Variants in SLC30A8 observed in about 807,000 individuals in gnomAD.
SLC30A8 encodes solute carrier family 30 member 8, also known as proton-coupled zinc antiporter SLC30A8.
SLC30A8 carries 27 observed loss-of-function variants against 36.9 expected under a neutral mutation model. The observed-to-expected ratio is 0.73, with a 90% CI of 0.54 to 1.01. SLC30A8 has a LOEUF of 1.01. Among genes scored for constraint, SLC30A8 ranks in the 50% least tolerant of loss-of-function variants. The pLI, the probability that SLC30A8 is intolerant of heterozygous loss-of-function variation, is 0.00. For synonymous variants in SLC30A8, 164 were observed against 172.4 expected, an observed-to-expected ratio of 0.95 and a Z score of 0.38; for missense variants, 439 against 452.0, an observed-to-expected ratio of 0.97 and a Z score of 0.26.
intron 2 of SLC30A8, among the ~76,000 whole-genome samples, chr8:117,096,888 A>T (rs1358933520): frequency 6.6e-6 from 1 of 152,030 alleles, no homozygotes; most frequent in Non-Finnish European, 1.5e-5. Flanking sequence ...ACACAAAATC[A>T]TGGAGTACTG....
At chr8:117,070,556 C>T (rs1474709468) in intron 2 of SLC30A8, among the ~76,000 whole-genome samples, 3 of 152,232 alleles carry the variant, frequency 2.0e-5, no homozygotes, top group Non-Finnish European at 2.9e-5. Context: ...ACATATCCAT[C>T]ACCTTGCTTA....
At chr8:117,033,045 T>C (rs1255369773) in intron 1 of SLC30A8, among the ~76,000 whole-genome samples, 1 of 152,184 alleles carries the variant, frequency 6.6e-6, no homozygotes, top group African/African-American at 2.4e-5. Context: ...TGGAGTTCTG[T>C]GCAGATGTAT....
chr8:117,053,286 GA>G (rs1817766938), intron 2 of SLC30A8, among the ~76,000 whole-genome samples: 1 of 152,132 alleles, frequency 6.6e-6, no homozygotes, highest in Non-Finnish European at 1.5e-5. Context: ...CATTTACTAA[GA>G]TTTTTTTCCC....
chr8:117,031,451 T>C (rs1459196234), intron 1 of SLC30A8, among the ~76,000 whole-genome samples: 1 of 149,552 alleles, frequency 6.7e-6, no homozygotes, highest in African/African-American at 2.5e-5. Flanking sequence ...TCTTTCTTCT[T>C]TCTTCTTCTT....
intron 3 of SLC30A8, 28 bp from the exon 4 acceptor site, chr8:117,157,663 G>A (rs1563633172): frequency 2.5e-6 from 4 of 1,612,980 alleles, no homozygotes; most frequent in Non-Finnish European, 2.5e-6. Context: ...ATCTGTGTGT[G>A]GGTTTCTGTG....
rs146835671 is a variant in SLC30A8, at chr8:117,157,741, G to A, written c.469G>A (p.Val157Met). The A allele has an allele frequency of 5.0e-5, 80 of 1,613,926 alleles. No homozygotes were observed. The highest frequency in any genetic ancestry group is 5.3e-5 in the African/African-American group (4 of 74,882). Residue 157 changes from valine (V) to methionine (M), a missense_variant, in exon 4 of 8, where the codon GTG becomes ATG. Physicochemically the swap from Val to Met is conservative, Grantham distance 21. Transcript: ENST00000456015. Reference protein sequence around the residue: ...SILCIWVVTGVLVYLACERLL... With the variant: ...SILCIWVVTGMLVYLACERLL... ...CCTGTGCATCTGGGTGGTGACTGGC[G>A]TGCTAGTGTACCTGGCATGTGAGCG... is the stretch of plus-strand genomic sequence containing the variant.
chr8:117,131,789 A>G (rs954679107), upstream of SLC30A8, among the ~76,000 whole-genome samples: 1 of 152,028 alleles, frequency 6.6e-6, no homozygotes, highest in African/African-American at 2.4e-5. Flanking sequence ...ATCAGAGACT[A>G]TGCTAAGAAC....
At chr8:116,970,259 T>G (rs1444288242) in intron 1 of SLC30A8, among the ~76,000 whole-genome samples, 1 of 152,188 alleles carries the variant, frequency 6.6e-6, no homozygotes, top group East Asian at 1.9e-4. Context: ...CTTGTCCCAC[T>G]GGAAGGACTT....
At chr8:117,074,227 A>C (rs1818421695) in intron 2 of SLC30A8, among the ~76,000 whole-genome samples, 1 of 152,186 alleles carries the variant, frequency 6.6e-6, no homozygotes, top group Non-Finnish European at 1.5e-5. Context: ...CTAAGTGATT[A>C]GATTTACTCA....
At chr8:117,073,197 G>A (rs935738723) in intron 2 of SLC30A8, among the ~76,000 whole-genome samples, 5 of 151,746 alleles carry the variant, frequency 3.3e-5, no homozygotes, top group Non-Finnish European at 5.9e-5. Flanking sequence ...TCTAAGACTA[G>A]AGCTTTTTGT....
intron 1 of SLC30A8, among the ~76,000 whole-genome samples, chr8:116,983,068 A>T (rs2130646750): frequency 6.6e-6 from 1 of 152,254 alleles, no homozygotes; most frequent in Admixed American, 6.5e-5. Flanking sequence ...GACCAAGTGC[A>T]TTTTTTGGGA....
chr8:117,115,061 C>A (rs35228127), intron 2 of SLC30A8, among the ~76,000 whole-genome samples: 34,572 of 151,620 alleles, frequency 0.23, 4,085 homozygotes, highest in East Asian at 0.33. Flanking sequence ...GGCTTGTGCC[C>A]CCATGCCTGG....
intron 2 of SLC30A8, among the ~76,000 whole-genome samples, chr8:117,114,451 G>A (rs1028000192): frequency 6.6e-6 from 1 of 152,008 alleles, no homozygotes; most frequent in African/African-American, 2.4e-5. Flanking sequence ...AATCAATCTG[G>A]AGAAATTAAG....
In SLC30A8 at chr8:117,175,742, T is replaced by C. The variant is rs1203337086; in HGVS notation, c.*3061T>C. The C allele has an allele frequency of 4.6e-5, 7 of 152,090 alleles. No homozygotes were observed. In the East Asian group the frequency reaches 1.4e-3, roughly 29 times the overall value. 9.4% of individuals were successfully genotyped at this position (152,090 alleles called of 1,614,324 possible). Reference sequence around the variant, plus strand: ...ACAGAATTTTAAATCATCTCAACTTTTGAGAAATTTTGAGTTATCAACACC... The same window carrying C: ...ACAGAATTTTAAATCATCTCAACTTCTGAGAAATTTTGAGTTATCAACACC... On this transcript the variant is annotated 3_prime_UTR_variant, in exon 8 of 8. Transcript: ENST00000456015.
intron 2 of SLC30A8, among the ~76,000 whole-genome samples, chr8:117,125,189 T>C (rs185807298): frequency 7.9e-5 from 12 of 152,140 alleles, no homozygotes; most frequent in Admixed American, 6.5e-4. Flanking sequence ...ATAAGAAGTT[T>C]TGGTGTTGCC....
At chr8:117,021,520 G>A (rs1355625712) in intron 1 of SLC30A8, among the ~76,000 whole-genome samples, 1 of 152,172 alleles carries the variant, frequency 6.6e-6, no homozygotes, top group Non-Finnish European at 1.5e-5. Flanking sequence ...GGAAAACCAT[G>A]CTGATGGATT....
intron 1 of SLC30A8, among the ~76,000 whole-genome samples, chr8:116,998,912 G>A (rs554169589): frequency 5.3e-5 from 8 of 152,312 alleles, no homozygotes; most frequent in African/African-American, 1.4e-4. Context: ...ATGAGACAAT[G>A]CATTTCTGTT....
chr8:117,003,486 A>G (rs1251790681), intron 1 of SLC30A8, among the ~76,000 whole-genome samples: 2 of 152,190 alleles, frequency 1.3e-5, no homozygotes, highest in Non-Finnish European at 2.9e-5. Context: ...GATACCTATC[A>G]TGATTGTTAT....
intron 1 of SLC30A8, among the ~76,000 whole-genome samples, chr8:116,978,517 CTG>C (rs1271892382): frequency 6.6e-6 from 1 of 152,128 alleles, no homozygotes; most frequent in African/African-American, 2.4e-5. Flanking sequence ...ATATTGCAAA[CTG>C]AGGATAAAAA....
Sources: allele counts gnomAD v4.1 joint callset (sites outside exome capture counted in the v4.1 genomes callset), GRCh38; gene constraint gnomAD v4.1.1; transcripts MANE v1.5; gene names NCBI Gene and HGNC (gene_info 2026-07-23, HGNC 2026-07-21).